Variants in ST3GAL4 observed in about 807,000 individuals in gnomAD.
ST3GAL4 encodes the protein ST3 beta-galactoside alpha-2,3-sialyltransferase 4, also known as CMP-N-acetylneuraminate-beta-galactosamide-alpha-2,3-sialyltransferase 4.
Under a neutral mutation model 42.6 loss-of-function variants are expected in ST3GAL4, and 24 were observed. The observed-to-expected ratio is 0.56, with a 90% CI of 0.41 to 0.79. The LOEUF (loss-of-function observed/expected upper bound fraction) is 0.79. ST3GAL4 is among the 30% of genes least tolerant of loss of function. ST3GAL4 has a pLI of 0.00. For missense variants in ST3GAL4, 311 were observed against 430.8 expected (o/e 0.72, Z 2.46); for synonymous variants, 135 against 163.2 (o/e 0.83, Z 1.32).
intron 8 of ST3GAL4, chr11:126,408,774 T>A (rs1264498533): frequency 1.2e-5 from 6 of 506,018 alleles, no homozygotes; most frequent in Non-Finnish European, 2.1e-5. Flanking sequence ...GCTTTCCGAG[T>A]AGGTGTTTGC....
intron 10 of ST3GAL4, 117 bp downstream of exon 10, chr11:126,413,765 T>G (rs1407090199): frequency 6.6e-7 from 1 of 1,505,488 alleles, no homozygotes; most frequent in East Asian, 2.3e-5. Context: ...CAGTCAGAAC[T>G]GGAACCGAGG....
At chr11:126,387,054 C>T (rs1156942588) in intron 1 of ST3GAL4, among the ~76,000 whole-genome samples, 1 of 152,200 alleles carries the variant, frequency 6.6e-6, no homozygotes, top group Non-Finnish European at 1.5e-5. Flanking sequence ...CTGTTTCTGT[C>T]CTCAGGGTAG....
chr11:126,384,910 G>A lies in ST3GAL4; in HGVS notation c.-60-21186G>A. On this transcript the variant is annotated intron_variant, in intron 1 of 10. Transcript: ENST00000444328. This position sits in a 1 kb window ranked among gnomAD's most constrained non-coding sequence, Gnocchi z 5.5. ...AGGACCCCTCTCTTTGCTGGGCTGGGACAGAGCTTGAATGGAGAGGGGCCG... is the reference window on the plus strand; with the variant it reads ...AGGACCCCTCTCTTTGCTGGGCTGGAACAGAGCTTGAATGGAGAGGGGCCG... 1 of 985,384 alleles carries A rather than the reference G, an allele frequency of 1.0e-6. No homozygotes were observed. Among genetic ancestry groups the A allele is most frequent in the Non-Finnish European group, 1.2e-6 (1 of 829,928 alleles). The allele number at this position is 985,384 out of a possible 1,614,324, so 61.0% of individuals were successfully genotyped here.
At chr11:126,385,376 TCTC>T (rs1399755810) in intron 1 of ST3GAL4, among the ~76,000 whole-genome samples, 1 of 151,804 alleles carries the variant, frequency 6.6e-6, no homozygotes, top group African/African-American at 2.4e-5. Context: ...ATGGTCTCGA[TCTC>T]CTGACCTCAT....
At chr11:126,387,296 A>G (rs751684069) in intron 1 of ST3GAL4, among the ~76,000 whole-genome samples, 20 of 152,248 alleles carry the variant, frequency 1.3e-4, no homozygotes, top group Non-Finnish European at 2.5e-4. Flanking sequence ...CAGAATTCAC[A>G]TCCAAGTGTG....
intron 1 of ST3GAL4, among the ~76,000 whole-genome samples, chr11:126,367,679 C>T (rs1952485123): frequency 6.6e-6 from 1 of 152,190 alleles, no homozygotes; most frequent in Non-Finnish European, 1.5e-5. Context: ...ATCTGAGGTG[C>T]ATAGAGTGTA....
In ST3GAL4 at chr11:126,368,700, G is replaced by A. The variant is rs575053622; in HGVS notation, c.-61+12858G>A. The stretch of plus-strand genomic sequence containing the variant: ...ACCTGCTCATGAGAAGGGTATCCTT[G>A]TGAGTACAGGGGAAATGGCATGGAG... On this transcript the variant is annotated intron_variant, in intron 1 of 10. Coordinates refer to ENST00000444328, the MANE Select transcript of ST3GAL4 (RefSeq NM_001254757.2). 3.3e-3 allele frequency among the ~76,000 whole-genome samples: 504 copies of A among 152,330 alleles called. 2 individuals carry two copies. Among genetic ancestry groups the A allele is most frequent in the African/African-American group, 0.012 (483 of 41,566 alleles).
intron 4 of ST3GAL4, 39 bp downstream of exon 4, chr11:126,407,062 G>T: frequency 6.3e-7 from 1 of 1,591,998 alleles, no homozygotes; most frequent in South Asian, 1.1e-5. Context: ...GCAGGGCATG[G>T]AGCGAGCTGG....
chr11:126,356,464 C>T (rs568596231), intron 1 of ST3GAL4, among the ~76,000 whole-genome samples: 3 of 152,292 alleles, frequency 2.0e-5, no homozygotes, highest in East Asian at 3.9e-4. Context: ...GGTGTTTCCT[C>T]GGGGACCTGG....
At chr11:126,370,982 T>TA (rs988782518) in intron 1 of ST3GAL4, among the ~76,000 whole-genome samples, 1 of 151,538 alleles carries the variant, frequency 6.6e-6, no homozygotes, top group African/African-American at 2.4e-5. Context: ...TTCTTTTTTT[T>TA]ATATGAAAAT....
chr11:126,395,694 T>C (rs967426070), intron 1 of ST3GAL4, among the ~76,000 whole-genome samples: 1 of 152,200 alleles, frequency 6.6e-6, no homozygotes, highest in Non-Finnish European at 1.5e-5. Flanking sequence ...GGGTTTCCCT[T>C]TTCACGTGGC....
chr11:126,406,621 T>C lies in ST3GAL4; in HGVS notation c.101+64T>C. The C allele has an allele frequency of 4.3e-6, 7 of 1,610,214 alleles. No individual in the cohort carries two copies. Among genetic ancestry groups the C allele is most frequent in the Non-Finnish European group, 5.1e-6 (6 of 1,178,040 alleles). ...AGGGACAGGGCTTAGGGATGGAGCA[T>C]CATGGAGCGGGGGACCTAGTAGGGC... On this transcript the variant is annotated intron_variant, in intron 3 of 10. Transcript: ENST00000444328. The surrounding 1 kb of genome is among the most constrained non-coding windows in gnomAD (Gnocchi z 5.4).
Position 126,376,608 on chromosome 11 carries a change from G to A in ST3GAL4, c.-61+20766G>A, listed in dbSNP as rs1167659041. 6.6e-6 allele frequency among the ~76,000 whole-genome samples: 1 copy of A among 152,200 alleles called. No homozygotes were observed. The highest frequency in any genetic ancestry group is 2.4e-5 in the African/African-American group (1 of 41,448). On this transcript the variant is annotated intron_variant, in intron 1 of 10. Transcript: ENST00000444328. This position sits in a 1 kb window ranked among gnomAD's most constrained non-coding sequence, Gnocchi z 5.1. ...AAGATTTGATTATGCTGTCTTTTAAGCAAGGTTAAGGCTGTTGTTAAGGCC... is the reference window on the plus strand; with the variant it reads ...AAGATTTGATTATGCTGTCTTTTAAACAAGGTTAAGGCTGTTGTTAAGGCC...
chr11:126,403,712 G>A (rs7130320), intron 1 of ST3GAL4, among the ~76,000 whole-genome samples: 8,932 of 152,222 alleles, frequency 0.059, 883 homozygotes, highest in African/African-American at 0.2. Flanking sequence ...GAGAGAGGCT[G>A]CAGTTCGTAA....
At chr11:126,390,618 C>CTTTTTTTTTTTTTGTTTTTTTTT (rs1953464366) in intron 1 of ST3GAL4, among the ~76,000 whole-genome samples, 1 of 126,686 alleles carries the variant, frequency 7.9e-6, no homozygotes, top group African/African-American at 3.2e-5. Context: ...GTGTTCTTTG[C>CTTTTTTTTTTTTTGTTTTTTTTT]TTTTTTTTTT....
At chr11:126,370,469 G>C (rs113834299) in intron 1 of ST3GAL4, among the ~76,000 whole-genome samples, 2,227 of 152,248 alleles carry the variant, frequency 0.015, 22 homozygotes, top group Non-Finnish European at 0.022. Flanking sequence ...TTTGGGGAGT[G>C]GGGGGTAGAC....
rs952452169 is a variant in ST3GAL4, at chr11:126,375,635, T to G, written c.-61+19793T>G. ...TGAACTCACAGGGTCGAGATCATAT[T>G]TAATACTTGCACAGCCCTTAGAAGC... On this transcript the variant is annotated intron_variant, in intron 1 of 10. Coordinates refer to ENST00000444328, the MANE Select transcript of ST3GAL4 (RefSeq NM_001254757.2). 1.7e-4 allele frequency among the ~76,000 whole-genome samples: 26 copies of G among 152,154 alleles called. 1 individual carries two copies.
At position 126,406,408 on chromosome 11, in the gene ST3GAL4, G is replaced by A; in HGVS notation, c.17-65G>A. The A allele has an allele frequency of 1.2e-6, 2 of 1,612,232 alleles. No individual in the cohort carries two copies. Among genetic ancestry groups the A allele is most frequent in the Admixed American group, 3.3e-5 (2 of 59,928 alleles). Reference sequence around the variant, plus strand: ...GAGGGACTCAGAAGGGGGCAGGTGGGAAGGTGGACGGGGGTTGTACCTGCC... The same window carrying A: ...GAGGGACTCAGAAGGGGGCAGGTGGAAAGGTGGACGGGGGTTGTACCTGCC... On this transcript the variant is annotated intron_variant, in intron 2 of 10. Coordinates refer to ENST00000444328, the MANE Select transcript of ST3GAL4 (RefSeq NM_001254757.2). This position sits in a 1 kb window ranked among gnomAD's most constrained non-coding sequence, Gnocchi z 5.4.
rs554883610 is a variant in ST3GAL4, at chr11:126,375,350, C to G, written c.-61+19508C>G. Among the ~76,000 whole-genome samples, 505 of 152,244 alleles carry G rather than the reference C, an allele frequency of 3.3e-3. 5 individuals are homozygous for G. The highest frequency in any genetic ancestry group is 0.012 in the African/African-American group (483 of 41,532). On this transcript the variant is annotated intron_variant, in intron 1 of 10. Transcript: ENST00000444328. ...ACAGGCTCTTCGTCACTGTGCGGAG[C>G]CTTCGAAGGACTTGGATGTGCTTGA... is the stretch of plus-strand genomic sequence containing the variant.
Sources: allele counts gnomAD v4.1 joint callset (sites outside exome capture counted in the v4.1 genomes callset), GRCh38; gene constraint gnomAD v4.1.1; non-coding constraint Gnocchi (gnomAD v3.1); transcripts MANE v1.5; gene names NCBI Gene and HGNC (gene_info 2026-07-23, HGNC 2026-07-21).